ST6GALNAC3: variants seen among roughly 807,000 people sequenced by gnomAD.
ST6GALNAC3 encodes the protein alpha-N-acetylgalactosaminide alpha-2,6-sialyltransferase 3.
ST6GALNAC3 carries 25 observed loss-of-function variants against 32.7 expected under a neutral mutation model. The ratio of observed to expected loss-of-function variants is 0.76; its 90% CI spans 0.56 to 1.07. The LOEUF (loss-of-function observed/expected upper bound fraction) is 1.07, where lower values mean the gene tolerates loss of function less well. ST6GALNAC3 is among the 50% of genes least tolerant of loss of function. ST6GALNAC3 has a pLI of 0.00. For synonymous variants in ST6GALNAC3, 129 were observed against 133.1 expected (o/e 0.97, Z 0.21); for missense variants, 355 against 382.4 (o/e 0.93, Z 0.60).
Position 76,536,816 on chromosome 1 carries a change from G to A in ST6GALNAC3, c.624-90636G>A, listed in dbSNP as rs1367873245. On this transcript the variant is annotated intron_variant, in intron 3 of 4. Transcript: ENST00000328299. The stretch of plus-strand genomic sequence containing the variant: ...TCTAAATATATATGCACCCAATAGA[G>A]GAGCATCCAGATTCATAAAACAAGT... Among the ~76,000 whole-genome samples, 4 of 152,114 alleles carry A rather than the reference G, an allele frequency of 2.6e-5. No individual in the cohort carries two copies. In the East Asian group the frequency reaches 7.7e-4, roughly 29 times the overall value.
intron 1 of ST6GALNAC3, among the ~76,000 whole-genome samples, chr1:76,312,202 G>A (rs765982288): frequency 2.6e-5 from 4 of 152,260 alleles, no homozygotes; most frequent in Non-Finnish European, 4.4e-5. Context: ...TTAACAAATG[G>A]TGTTGGGAAA....
intron 3 of ST6GALNAC3, among the ~76,000 whole-genome samples, chr1:76,513,398 A>G (rs1243509064): frequency 6.6e-6 from 1 of 152,072 alleles, no homozygotes. Context: ...TCTTTTCTAT[A>G]ATGTGTATTC....
chr1:76,604,823 C>T (rs1008135423), intron 3 of ST6GALNAC3, among the ~76,000 whole-genome samples: 1 of 152,174 alleles, frequency 6.6e-6, no homozygotes, highest in Non-Finnish European at 1.5e-5. Flanking sequence ...TTAGAAATCA[C>T]TTTAATTGGA....
At chr1:76,564,438 C>T (rs1249629605) in intron 3 of ST6GALNAC3, among the ~76,000 whole-genome samples, 1 of 152,156 alleles carries the variant, frequency 6.6e-6, no homozygotes, top group African/African-American at 2.4e-5. Context: ...AAGAATCCCA[C>T]AGCAAATGAC....
At chr1:76,339,733 A>G (rs1350349239) in intron 2 of ST6GALNAC3, among the ~76,000 whole-genome samples, 3 of 152,194 alleles carry the variant, frequency 2.0e-5, no homozygotes, top group African/African-American at 7.2e-5. Flanking sequence ...GCAGTGGACC[A>G]CAGAGACCAA....
At chr1:76,361,148 C>T (rs1376233082) in intron 2 of ST6GALNAC3, among the ~76,000 whole-genome samples, 1 of 151,928 alleles carries the variant, frequency 6.6e-6, no homozygotes, top group Non-Finnish European at 1.5e-5. Context: ...AGCATATTTG[C>T]ATTGTTATAA....
At chr1:76,390,508 G>A (rs1420806796) in intron 2 of ST6GALNAC3, among the ~76,000 whole-genome samples, 2 of 152,106 alleles carry the variant, frequency 1.3e-5, no homozygotes, top group African/African-American at 4.8e-5. Context: ...TCTGCTACTG[G>A]TAATCAGCCT....
rs138858249 is a variant in ST6GALNAC3, at chr1:76,237,543, G to T, written c.19-76262G>T. Among the ~76,000 whole-genome samples, 298 of 152,250 alleles carry T rather than the reference G, an allele frequency of 2.0e-3. 1 individual carries two copies. The highest frequency in any genetic ancestry group is 4.1e-3 in the African/African-American group (169 of 41,536). ...TACTTCCCTATATCAAGCCATGCCT[G>T]ATTTTTCAGAAATAAGGTAGAAGTT... On this transcript the variant is annotated intron_variant, in intron 1 of 4. Coordinates refer to ENST00000328299, the MANE Select transcript of ST6GALNAC3 (RefSeq NM_152996.4).
intron 1 of ST6GALNAC3, among the ~76,000 whole-genome samples, chr1:76,084,524 G>A (rs12123144): frequency 0.18 from 26,729 of 152,044 alleles, 2,826 homozygotes; most frequent in South Asian, 0.26. Context: ...GCTCCAGGAG[G>A]GTATTACACA....
intron 1 of ST6GALNAC3, among the ~76,000 whole-genome samples, chr1:76,094,695 G>A (rs544326118): frequency 6.6e-6 from 1 of 152,270 alleles, no homozygotes; most frequent in Non-Finnish European, 1.5e-5. Flanking sequence ...TGTTCTAATG[G>A]AAGTGTGGCC....
intron 3 of ST6GALNAC3, among the ~76,000 whole-genome samples, chr1:76,416,059 A>G (rs1222471030): frequency 6.6e-6 from 1 of 151,532 alleles, no homozygotes; most frequent in East Asian, 1.9e-4. Flanking sequence ...ACACACACAC[A>G]CACACACACA....
intron 3 of ST6GALNAC3, among the ~76,000 whole-genome samples, chr1:76,445,211 T>A (rs1046215102): frequency 6.6e-6 from 1 of 152,174 alleles, no homozygotes; most frequent in South Asian, 2.1e-4. Flanking sequence ...CTGGGCCAAG[T>A]GTATCCAAAC....
At chr1:76,274,843 G>A (rs1659044853) in intron 1 of ST6GALNAC3, among the ~76,000 whole-genome samples, 1 of 152,158 alleles carries the variant, frequency 6.6e-6, no homozygotes, top group Non-Finnish European at 1.5e-5. Flanking sequence ...TTGTTACTGT[G>A]ACAGCAGAAG....
intron 1 of ST6GALNAC3, among the ~76,000 whole-genome samples, chr1:76,142,529 A>G (rs1378149359): frequency 6.6e-6 from 1 of 152,182 alleles, no homozygotes; most frequent in Non-Finnish European, 1.5e-5. Flanking sequence ...TATGCAGGAC[A>G]CTCTCAGGGT....
rs6698059 is a variant in ST6GALNAC3, at chr1:76,166,358, G to A, written c.18+91474G>A. ...GTTCTCCAGTCTTTTTGATTGGTCTGTTTTCTCTTTTTGTACCAGTACTAT... is the reference window on the plus strand; with the variant it reads ...GTTCTCCAGTCTTTTTGATTGGTCTATTTTCTCTTTTTGTACCAGTACTAT... On this transcript the variant is annotated intron_variant, in intron 1 of 4. Transcript: ENST00000328299. Among the ~76,000 whole-genome samples the A allele has an allele frequency of 8.3e-3, 1,257 of 152,000 alleles. 22 individuals carry two copies. Among genetic ancestry groups the A allele is most frequent in the African/African-American group, 0.029 (1,188 of 41,476 alleles).
At chr1:76,254,064 A>G (rs945563672) in intron 1 of ST6GALNAC3, among the ~76,000 whole-genome samples, 1 of 152,136 alleles carries the variant, frequency 6.6e-6, no homozygotes, top group Admixed American at 6.6e-5. Flanking sequence ...AATTTTCTCT[A>G]TGACCTTGGA....
intron 1 of ST6GALNAC3, among the ~76,000 whole-genome samples, chr1:76,311,581 T>A (rs1281154405): frequency 6.6e-6 from 1 of 152,170 alleles, no homozygotes; most frequent in Non-Finnish European, 1.5e-5. Flanking sequence ...GTTTCCAGCT[T>A]CATCCATGTC....
At position 76,629,988 on chromosome 1, in the gene ST6GALNAC3, T is replaced by C. The variant is rs1570491858; in HGVS notation, c.*1182T>C. On this transcript the variant is annotated 3_prime_UTR_variant, in exon 5 of 5. Transcript: ENST00000328299. Reference sequence around the variant, plus strand: ...AGTTGTTATGCCACAATAACAACAATAATAATGTTCTTAATGTCCAAAGTG... The same window carrying C: ...AGTTGTTATGCCACAATAACAACAACAATAATGTTCTTAATGTCCAAAGTG... 4.1e-6 allele frequency: 4 copies of C among 985,110 alleles called. No homozygotes were observed. Among genetic ancestry groups the C allele is most frequent in the Non-Finnish European group, 4.8e-6 (4 of 829,752 alleles). The allele number at this position is 985,110 out of a possible 1,614,324, so 61.0% of individuals were successfully genotyped here.
At chr1:76,408,709 A>G (rs1654006955) in intron 2 of ST6GALNAC3, among the ~76,000 whole-genome samples, 1 of 152,092 alleles carries the variant, frequency 6.6e-6, no homozygotes, top group African/African-American at 2.4e-5. Context: ...TGACTAGGAA[A>G]TCCAATGTAA....
Sources: allele counts gnomAD v4.1 joint callset (sites outside exome capture counted in the v4.1 genomes callset), GRCh38; gene constraint gnomAD v4.1.1; transcripts MANE v1.5; gene names NCBI Gene and HGNC (gene_info 2026-07-23, HGNC 2026-07-21).